CD48: variants seen among roughly 807,000 people sequenced by gnomAD.
CD48 encodes the protein CD48 antigen.
A neutral mutation model predicts 22.0 loss-of-function variants in CD48; 20 were observed. The ratio of observed to expected loss-of-function variants is 0.91; its 90% CI spans 0.64 to 1.32. The LOEUF (loss-of-function observed/expected upper bound fraction) is 1.32. CD48 is among the 40% of genes most tolerant of loss of function. CD48 has a pLI of 0.00. For missense variants in CD48, 307 were observed against 286.5 expected, an observed-to-expected ratio of 1.07 and a Z score of -0.52; for synonymous variants, 110 against 110.1, an observed-to-expected ratio of 1.00 and a Z score of 0.01.
At chr1:160,688,042 T>G (rs181870544) in intron 1 of CD48, among the ~76,000 whole-genome samples, 47 of 152,362 alleles carry the variant, frequency 3.1e-4, no homozygotes, top group African/African-American at 1.1e-3. Context: ...CATTTGCATG[T>G]GATGTTTGAG....
intron 2 of CD48, 37 bp downstream of exon 2, chr1:160,684,850 T>C: frequency 6.2e-7 from 1 of 1,614,106 alleles, no homozygotes; most frequent in Non-Finnish European, 8.5e-7. Flanking sequence ...CTGGGGCCAC[T>C]GGAGTGGGGA....
At position 160,681,470 on chromosome 1, in the gene CD48, T is replaced by C. The variant is rs1168825470; in HGVS notation, c.386-2A>G. 5.0e-6 allele frequency: 8 copies of C among 1,613,128 alleles called. No homozygotes were observed. Among genetic ancestry groups the C allele is most frequent in the Non-Finnish European group, 6.8e-6 (8 of 1,179,518 alleles). On this transcript the variant is annotated splice_acceptor_variant, in intron 2 of 3. Coordinates refer to ENST00000368046, the MANE Select transcript of CD48 (RefSeq NM_001778.4). LOFTEE classifies it high-confidence loss of function. ...TGATGACAGGCTTGGGTACAGGGTC[T>C]GAAAGTGAGGAGGATGTTATAAGAT...
chr1:160,683,949 A>G (rs1392552908), intron 2 of CD48: 3 of 152,080 alleles, frequency 2.0e-5, no homozygotes, highest in Non-Finnish European at 4.4e-5. Context: ...CCTTTCACCA[A>G]AAATGTTTAG....
In CD48 at chr1:160,711,741, G is replaced by T. The variant is rs34237772; in HGVS notation, c.23C>A (p.Ser8Ter). The change falls in exon 1 of 4, where the codon TCG becomes TAG. Residue 8 changes from serine (S) to a stop codon, truncating the protein, a stop_gained. Transcript: ENST00000368046. LOFTEE classifies it high-confidence loss of function. MCSRGWD[S>*]CLALELLLLP... ...CAGTAGCAATTCCAGAGCCAGACAC[G>T]AATCCCAACCTCTGGAGCACATGCT... is the stretch of plus-strand genomic sequence containing the variant. 3.1e-6 allele frequency: 5 copies of T among 1,613,354 alleles called. No individual in the cohort carries two copies. The highest frequency in any genetic ancestry group is 4.2e-6 in the Non-Finnish European group (5 of 1,179,510).
At chr1:160,682,560 T>A (rs1202013873) in intron 2 of CD48, among the ~76,000 whole-genome samples, 1 of 148,208 alleles carries the variant, frequency 6.7e-6, no homozygotes, top group Non-Finnish European at 1.5e-5. Context: ...GGGAGGCAAG[T>A]AGACACAAAA....
chr1:160,692,477 C>A (rs1027507026), intron 1 of CD48, among the ~76,000 whole-genome samples: 1 of 152,078 alleles, frequency 6.6e-6, no homozygotes. Flanking sequence ...CAACCTCAAG[C>A]GCAGGTTAGA....
intron 1 of CD48, among the ~76,000 whole-genome samples, chr1:160,694,393 T>C (rs1662334734): frequency 6.6e-6 from 1 of 151,918 alleles, no homozygotes; most frequent in African/African-American, 2.4e-5. Context: ...CTATCATTGC[T>C]TTAAATCAGT....
chr1:160,690,823 C>T (rs1041532789), intron 1 of CD48, among the ~76,000 whole-genome samples: 12 of 152,236 alleles, frequency 7.9e-5, no homozygotes, highest in South Asian at 6.2e-4. Context: ...GTTACTGTGT[C>T]TGTATAGAAA....
intron 1 of CD48, among the ~76,000 whole-genome samples, chr1:160,686,849 T>TCACAGGAC (rs367666464): frequency 0.041 from 6,162 of 152,112 alleles, 172 homozygotes; most frequent in East Asian, 0.13. Flanking sequence ...CAGGGCGAGA[T>TCACAGGAC]CACAGGACCA....
Position 160,703,595 on chromosome 1 carries a change from G to A in CD48, c.82+8087C>T, listed in dbSNP as rs539021747. ...CTTAACAGAGCTTGCATTAGAGTGG[G>A]GTGAAAAAACGTAAGCAATCAACAC... On this transcript the variant is annotated intron_variant, in intron 1 of 3. Transcript: ENST00000368046. Among the ~76,000 whole-genome samples the A allele has an allele frequency of 7.2e-5, 11 of 152,198 alleles. No homozygotes were observed. The South Asian group carries it at 1.2e-3, about 17-fold the overall frequency.
chr1:160,691,186 C>T (rs1055055666), intron 1 of CD48, among the ~76,000 whole-genome samples: 3 of 152,098 alleles, frequency 2.0e-5, no homozygotes, highest in Non-Finnish European at 4.4e-5. Flanking sequence ...ACCTGACCGT[C>T]CCCCAGCCCG....
intron 1 of CD48, chr1:160,686,693 G>A (rs886307283): frequency 1.3e-5 from 2 of 152,112 alleles, no homozygotes; most frequent in African/African-American, 4.8e-5. Context: ...ATCACATGTC[G>A]GTAGGTTCCG....
intron 2 of CD48, among the ~76,000 whole-genome samples, chr1:160,681,745 G>C (rs1298365706): frequency 6.6e-6 from 1 of 152,156 alleles, no homozygotes; most frequent in African/African-American, 2.4e-5. Context: ...ATGGGGTTAT[G>C]ATCGTGTGTG....
intron 1 of CD48, among the ~76,000 whole-genome samples, chr1:160,688,592 T>C (rs1170420046): frequency 6.6e-6 from 1 of 152,212 alleles, no homozygotes; most frequent in Non-Finnish European, 1.5e-5. Context: ...TGGGTCTATG[T>C]TGATACTGAG....
chr1:160,684,401 A>C (rs1437700146), intron 2 of CD48: 1 of 197,936 alleles, frequency 5.1e-6, no homozygotes, highest in Admixed American at 5.5e-5. Context: ...ATAATGCCTG[A>C]GTCCTTATTC....
At chr1:160,705,033 T>C (rs1662749800) in intron 1 of CD48, among the ~76,000 whole-genome samples, 1 of 152,228 alleles carries the variant, frequency 6.6e-6, no homozygotes, top group South Asian at 2.1e-4. Flanking sequence ...TGGTGTCATA[T>C]GCTGCCGCAC....
intron 3 of CD48, among the ~76,000 whole-genome samples, chr1:160,680,224 C>T (rs1277381673): frequency 1.3e-5 from 2 of 152,152 alleles, no homozygotes; most frequent in Non-Finnish European, 2.9e-5. Flanking sequence ...TACGCTAGGG[C>T]TCAGGGATCT....
At chr1:160,702,166 T>C (rs1662651428) in intron 1 of CD48, among the ~76,000 whole-genome samples, 1 of 152,152 alleles carries the variant, frequency 6.6e-6, no homozygotes. Context: ...GTGGATGCTC[T>C]ACCTAACACC....
At chr1:160,685,250 G>C in intron 1 of CD48, 61 bp from the exon 2 acceptor site, 1 of 1,309,492 alleles carries the variant, frequency 7.6e-7, no homozygotes, top group Non-Finnish European at 1.1e-6. Flanking sequence ...GACAGGCCCA[G>C]GGTATAGCCT....
Sources: gnomAD v4.1 joint callset for allele counts (sites outside exome capture counted in the v4.1 genomes callset) on GRCh38, gnomAD v4.1.1 for gene constraint, MANE v1.5 for transcripts, NCBI Gene and HGNC (gene_info 2026-07-23, HGNC 2026-07-21) for gene names.